Variants in FHIT observed in about 807,000 individuals in gnomAD.
FHIT encodes the protein fragile histidine triad diadenosine triphosphatase.
In FHIT, 19 loss-of-function variants were observed where a neutral mutation model predicts 17.9. The observed-to-expected ratio is 1.06, with a 90% confidence interval of 0.74 to 1.56. FHIT has a LOEUF of 1.56. Among genes scored for constraint, FHIT ranks in the 40% most tolerant of loss-of-function variants. The probability of loss-of-function intolerance (pLI) is 0.00; values close to 1 mark genes in which losing one functional copy is unlikely to be tolerated. For synonymous variants in FHIT, 81 were observed against 69.7 expected (o/e 1.16, Z -0.81); for missense variants, 248 against 189.2 (o/e 1.31, Z -1.82).
intron 5 of FHIT, among the ~76,000 whole-genome samples, chr3:60,366,252 T>C (rs761973065): frequency 1.3e-5 from 2 of 152,142 alleles, no homozygotes; most frequent in Non-Finnish European, 2.9e-5. Flanking sequence ...CTCAGCTCAA[T>C]GCAACCTCTG....
chr3:60,066,969 C>T (rs1012245418), intron 5 of FHIT, among the ~76,000 whole-genome samples: 1 of 152,066 alleles, frequency 6.6e-6, no homozygotes, highest in Non-Finnish European at 1.5e-5. Flanking sequence ...CCTGTGAATA[C>T]TGACACAGCG....
chr3:60,532,169 G>C (rs1464125209), intron 5 of FHIT, among the ~76,000 whole-genome samples: 1 of 152,214 alleles, frequency 6.6e-6, no homozygotes, highest in East Asian at 1.9e-4. Flanking sequence ...AGTGAGCAAG[G>C]TTTCTGTCAT....
At chr3:59,826,030 C>T (rs146847559) in intron 8 of FHIT, among the ~76,000 whole-genome samples, 134 of 152,344 alleles carry the variant, frequency 8.8e-4, no homozygotes, top group African/African-American at 2.9e-3. Context: ...CAGTTTTAAG[C>T]ATCCCTGCAA....
At chr3:60,382,579 T>A (rs768886183) in intron 5 of FHIT, among the ~76,000 whole-genome samples, 2 of 152,220 alleles carry the variant, frequency 1.3e-5, no homozygotes, top group Non-Finnish European at 2.9e-5. Flanking sequence ...GTGAACCTGA[T>A]ACTCTGAAAA....
chr3:60,756,006 A>C (rs2042564313), intron 4 of FHIT, among the ~76,000 whole-genome samples: 1 of 152,204 alleles, frequency 6.6e-6, no homozygotes. Context: ...TTCTTTGGTC[A>C]AATCTTGTAA....
chr3:59,864,688 C>T lies in FHIT; in HGVS notation c.348+57658G>A, dbSNP rs143456980. ...CTCATGAACTGGTGTTCATGTCATA[C>T]CCTCATGCATGCATTACCCTCTCTC... On this transcript the variant is annotated intron_variant, in intron 8 of 9. Coordinates refer to ENST00000492590, the MANE Select transcript of FHIT (RefSeq NM_002012.4). 2.0e-5 allele frequency among the ~76,000 whole-genome samples: 3 copies of T among 151,800 alleles called. No homozygotes were observed. In the East Asian group the frequency reaches 5.8e-4, roughly 29 times the overall value.
chr3:59,945,155 T>A (rs546625869), intron 7 of FHIT, among the ~76,000 whole-genome samples: 127 of 152,278 alleles, frequency 8.3e-4, no homozygotes, highest in Non-Finnish European at 1.4e-3. Context: ...GTATAAGCAG[T>A]CCCCTTCCTC....
chr3:59,786,733 A>G (rs1234509192), intron 8 of FHIT, among the ~76,000 whole-genome samples: 2 of 152,230 alleles, frequency 1.3e-5, no homozygotes, highest in Non-Finnish European at 2.9e-5. Flanking sequence ...TATGCCATTG[A>G]AAGTAACTGC....
At chr3:59,943,712 C>A (rs1186254292) in intron 7 of FHIT, among the ~76,000 whole-genome samples, 2 of 152,152 alleles carry the variant, frequency 1.3e-5, no homozygotes, top group Non-Finnish European at 2.9e-5. Context: ...CATGGAAATT[C>A]TTCTATACCT....
chr3:60,113,696 G>A (rs1704786758), intron 5 of FHIT, among the ~76,000 whole-genome samples: 1 of 151,430 alleles, frequency 6.6e-6, no homozygotes, highest in African/African-American at 2.4e-5. Context: ...ACTTAAACAT[G>A]ATCAATGATA....
chr3:60,546,460 C>G (rs1211442893), intron 4 of FHIT, among the ~76,000 whole-genome samples: 1 of 152,110 alleles, frequency 6.6e-6, no homozygotes, highest in African/African-American at 2.4e-5. Context: ...TCGTCATGTC[C>G]TAACTTTTAT....
At chr3:60,647,305 C>T (rs2039883585) in intron 4 of FHIT, among the ~76,000 whole-genome samples, 1 of 152,148 alleles carries the variant, frequency 6.6e-6, no homozygotes, top group Admixed American at 6.5e-5. Flanking sequence ...AAAAGTAACA[C>T]AGAAAGTCAT....
At chr3:59,942,248 G>A (rs987436226) in intron 7 of FHIT, among the ~76,000 whole-genome samples, 4 of 152,132 alleles carry the variant, frequency 2.6e-5, no homozygotes, top group African/African-American at 9.7e-5. Flanking sequence ...CTCTCAGCCT[G>A]CCCTTCCTAT....
chr3:60,169,821 A>G (rs1368756111), intron 5 of FHIT, among the ~76,000 whole-genome samples: 3 of 152,156 alleles, frequency 2.0e-5, no homozygotes, highest in African/African-American at 4.8e-5. Flanking sequence ...AGAATGCAAC[A>G]AAGTGGGGAT....
chr3:61,043,624 G>C (rs368199183), intron 2 of FHIT, among the ~76,000 whole-genome samples: 17 of 152,332 alleles, frequency 1.1e-4, no homozygotes, highest in African/African-American at 4.1e-4. Context: ...GCTTTGAAGA[G>C]AGCAGTGGTT....
At chr3:61,025,571 A>T (rs750463667) in intron 3 of FHIT, among the ~76,000 whole-genome samples, 1 of 152,226 alleles carries the variant, frequency 6.6e-6, no homozygotes, top group Non-Finnish European at 1.5e-5. Context: ...CAGACACAGA[A>T]ATATGGAAAA....
intron 3 of FHIT, among the ~76,000 whole-genome samples, chr3:60,914,059 G>A (rs1706876845): frequency 6.6e-6 from 1 of 152,232 alleles, no homozygotes; most frequent in African/African-American, 2.4e-5. Context: ...TGCACAGACA[G>A]TGTGGAAGGA....
At chr3:59,926,547 G>A (rs1030130936) in intron 7 of FHIT, among the ~76,000 whole-genome samples, 2 of 152,188 alleles carry the variant, frequency 1.3e-5, no homozygotes, top group Non-Finnish European at 2.9e-5. Context: ...AGTTTGGGAA[G>A]AGAAGCAGGA....
intron 2 of FHIT, among the ~76,000 whole-genome samples, chr3:61,120,558 G>A (rs1175651581): frequency 6.6e-6 from 1 of 152,116 alleles, no homozygotes; most frequent in Non-Finnish European, 1.5e-5. Context: ...TAAAGTGTCA[G>A]AAGACTTTTC....
Sources: allele counts gnomAD v4.1 joint callset (sites outside exome capture counted in the v4.1 genomes callset), GRCh38; gene constraint gnomAD v4.1.1; transcripts MANE v1.5; gene names NCBI Gene and HGNC (gene_info 2026-07-23, HGNC 2026-07-21).